GMNN: variants seen among roughly 807,000 people sequenced by gnomAD.
GMNN encodes the protein geminin.
Under a neutral mutation model 20.9 loss-of-function variants are expected in GMNN, and 14 were observed. The ratio of observed to expected loss-of-function variants is 0.67; its 90% CI spans 0.44 to 1.05. The LOEUF is 1.05. GMNN is among the 50% of genes least tolerant of loss of function. GMNN has a pLI of 0.00. For synonymous variants in GMNN, 81 were observed against 85.8 expected (o/e 0.94, Z 0.31); for missense variants, 227 against 243.8 (o/e 0.93, Z 0.46).
At position 24,780,730 on chromosome 6, in the gene GMNN, G is replaced by A; in HGVS notation, c.119G>A (p.Arg40Lys). The change falls in exon 3 of 7, where the codon AGA becomes AAA. Residue 40 changes from arginine (R) to lysine (K), a missense_variant. Transcript: ENST00000230056. ...QPSASGSLVG[R>K]ENELSAGLSK... Reference sequence around the variant, plus strand: ...TCTGCATCTGGATCTCTTGTTGGAAGAGAAAATGAGGTATGCACTATATGG... The same window carrying A: ...TCTGCATCTGGATCTCTTGTTGGAAAAGAAAATGAGGTATGCACTATATGG... 1.3e-6 allele frequency: 2 copies of A among 1,555,870 alleles called. No individual in the cohort carries two copies. The highest frequency in any genetic ancestry group is 1.8e-6 in the Non-Finnish European group (2 of 1,126,958).
intron 2 of GMNN, among the ~76,000 whole-genome samples, chr6:24,777,922 A>G (rs1388891423): frequency 6.6e-6 from 1 of 152,186 alleles, no homozygotes; most frequent in African/African-American, 2.4e-5. Flanking sequence ...ATTATATTAC[A>G]CATTTTTCTA....
intron 2 of GMNN, 97 bp from the exon 3 acceptor site, chr6:24,780,566 T>C: frequency 1.5e-6 from 1 of 673,266 alleles, no homozygotes; most frequent in Admixed American, 2.3e-5. Flanking sequence ...CCCTAAATTA[T>C]AGAAGGACTA....
chr6:24,778,823 A>G (rs1384511706), intron 2 of GMNN, among the ~76,000 whole-genome samples: 3 of 152,212 alleles, frequency 2.0e-5, no homozygotes, highest in Non-Finnish European at 2.9e-5. Flanking sequence ...AATTACCGCT[A>G]TATGGCCAAT....
rs753847779 is a variant in GMNN, at chr6:24,785,813, TTGAC to T, written c.*17_*20del. ...CCATGTATATGAAATGCATTAATAT[TTGAC>T]TGTTGAGAATTTTACTGCCGAAGTT... On this transcript the variant is annotated 3_prime_UTR_variant, in exon 7 of 7. Coordinates refer to ENST00000230056, the MANE Select transcript of GMNN (RefSeq NM_015895.5). The T allele has an allele frequency of 3.9e-6, 6 of 1,528,408 alleles. No individual in the cohort carries two copies. In the Admixed American group the frequency reaches 7.9e-5, roughly 20 times the overall value. The allele number at this position is 1,528,408 out of a possible 1,614,324, so 94.7% of individuals were successfully genotyped here.
In GMNN at chr6:24,785,987, G is replaced by T; in HGVS notation, c.*188G>T. 2.1e-6 allele frequency: 1 copy of T among 474,682 alleles called. No homozygotes were observed. Among genetic ancestry groups the T allele is most frequent in the South Asian group, 3.4e-5 (1 of 29,716 alleles). The allele number at this position is 474,682 out of a possible 1,614,324, so 29.4% of individuals were successfully genotyped here. A position where few individuals can be genotyped will look rare whatever the true frequency, so the allele number is the denominator to read the frequency against. ...AATCTATGATGGTTTATGTGAATAG[G>T]ATTTTCTCAGTTGTCAGCCATGACT... On this transcript the variant is annotated 3_prime_UTR_variant, in exon 7 of 7. Coordinates refer to ENST00000230056, the MANE Select transcript of GMNN (RefSeq NM_015895.5).
At chr6:24,785,596 T>C in intron 6 of GMNN, 42 bp from the exon 7 acceptor site, 1 of 1,053,140 alleles carries the variant, frequency 9.5e-7, no homozygotes, top group Non-Finnish European at 1.4e-6. Context: ...CAGCTTAGGT[T>C]TTAACATTTT....
rs1923185 is a variant in GMNN at position 24,780,664 on chromosome 6, A to C, written c.53A>C (p.Asn18Thr). 105,296 of 1,551,152 alleles carry C rather than the reference A, an allele frequency of 0.068. 12,770 individuals carry two copies. Among genetic ancestry groups the C allele is most frequent in the East Asian group, 0.55 (24,326 of 44,294 alleles). ...KQEEIKENIK[N>T]SSVPRRTLKM... ...TAATGAATTATGCTGACTTTTTAGA[A>C]TAGTTCTGTCCCAAGAAGAACTCTG... Residue 18 changes from asparagine (N) to threonine (T), a missense_variant and splice_region_variant, in exon 3 of 7, where the codon AAT (asparagine) becomes ACT (threonine). Asn to Thr is a moderately conservative substitution (Grantham distance 65). Transcript: ENST00000230056.
chr6:24,778,012 A>T (rs541387504), intron 2 of GMNN, among the ~76,000 whole-genome samples: 2 of 152,300 alleles, frequency 1.3e-5, no homozygotes, highest in East Asian at 3.9e-4. Flanking sequence ...TTCACTGGAA[A>T]TCTTATTCCA....
At chr6:24,781,703 C>A in intron 4 of GMNN, 82 bp downstream of exon 4, 2 of 578,596 alleles carry the variant, frequency 3.5e-6, no homozygotes, top group South Asian at 2.9e-5. Flanking sequence ...TGAATTCTGC[C>A]AATTACTGTA....
At chr6:24,785,313 A>G (rs1780321242) in intron 6 of GMNN, among the ~76,000 whole-genome samples, 1 of 152,156 alleles carries the variant, frequency 6.6e-6, no homozygotes, top group Non-Finnish European at 1.5e-5. Context: ...AACTGCCTTA[A>G]AAGAATTAGT....
chr6:24,778,758 T>A (rs1018138489), intron 2 of GMNN, among the ~76,000 whole-genome samples: 9 of 152,216 alleles, frequency 5.9e-5, no homozygotes, highest in Non-Finnish European at 2.9e-5. Flanking sequence ...ATTTTTGTTA[T>A]GAAATTTTTG....
chr6:24,780,923 G>A (rs953052918), intron 3 of GMNN, among the ~76,000 whole-genome samples, 183 bp downstream of exon 3: 2 of 152,124 alleles, frequency 1.3e-5, no homozygotes, highest in Non-Finnish European at 2.9e-5. Context: ...GAAGTTCGTC[G>A]GGTGCAGTGG....
Position 24,784,152 on chromosome 6 carries a change from CT to C in GMNN, c.342del (p.Lys115ArgfsTer20). ...ACGGAGAAAGGCGCTGTATGAAGCA[CT>C]TAAGGAAAATGAGAAAGTATGTATT... ...EKRRKALYEA[L>X]KENEKLHKEI... On this transcript the variant is annotated frameshift_variant, in exon 5 of 7. Coordinates refer to ENST00000230056, the MANE Select transcript of GMNN (RefSeq NM_015895.5). LOFTEE classifies it high-confidence loss of function. The C allele has an allele frequency of 6.6e-7, 1 of 1,506,516 alleles. No individual in the cohort carries two copies. The highest frequency in any genetic ancestry group is 9.2e-7 in the Non-Finnish European group (1 of 1,084,094). 93.3% of individuals were successfully genotyped at this position (1,506,516 alleles called of 1,614,324 possible).
intron 5 of GMNN, 112 bp downstream of exon 5, chr6:24,784,281 T>C: frequency 1.4e-6 from 1 of 716,992 alleles, no homozygotes; most frequent in Middle Eastern, 3.4e-4. Context: ...TTAAGAAAAG[T>C]TTAAGTAAAA....
intron 1 of GMNN, among the ~76,000 whole-genome samples, chr6:24,776,603 TAGTGGGC>T (rs919804698): frequency 1.2e-4 from 19 of 152,072 alleles, no homozygotes; most frequent in Middle Eastern, 3.2e-3. Context: ...GGCCAATGGG[TAGTGGGC>T]AGTGGGCAGT....
At chr6:24,781,658 A>G (rs776527320) in intron 4 of GMNN, 37 bp downstream of exon 4, 24 of 1,060,870 alleles carry the variant, frequency 2.3e-5, no homozygotes, top group Middle Eastern at 2.3e-4. Context: ...TTAATTTTAA[A>G]TTATGATATA....
rs1195507484 is a variant in GMNN at position 24,784,181 on chromosome 6, G to A, written c.357+12G>A. 11 of 1,286,990 alleles carry A rather than the reference G, an allele frequency of 8.5e-6. No homozygotes were observed. Among genetic ancestry groups the A allele is most frequent in the Non-Finnish European group, 1.2e-5 (11 of 889,606 alleles). 79.7% of individuals were successfully genotyped at this position (1,286,990 alleles called of 1,614,324 possible). On this transcript the variant is annotated intron_variant, in intron 5 of 6. Transcript: ENST00000230056. ...AGGAAAATGAGAAAGTATGTATTGA[G>A]TATAATTTGTACCATTTTTAAAAAT...
At chr6:24,780,384 GT>G (rs1392742966) in intron 2 of GMNN, among the ~76,000 whole-genome samples, 1 of 152,208 alleles carries the variant, frequency 6.6e-6, no homozygotes, top group Non-Finnish European at 1.5e-5. Context: ...AGTTACGTGT[GT>G]TTGTGTCTAG....
At chr6:24,782,355 C>T (rs73396417) in intron 4 of GMNN, among the ~76,000 whole-genome samples, 6,344 of 152,174 alleles carry the variant, frequency 0.042, 281 homozygotes, top group African/African-American at 0.11. Flanking sequence ...TAGTATACAT[C>T]AGAAGAAGAA....
Sources: gnomAD v4.1 joint callset for allele counts (sites outside exome capture counted in the v4.1 genomes callset) on GRCh38, gnomAD v4.1.1 for gene constraint, MANE v1.5 for transcripts, NCBI Gene and HGNC (gene_info 2026-07-23, HGNC 2026-07-21) for gene names.